The following MAGI2 variants were observed in gnomAD, a reference collection of about 807,000 sequenced individuals.
MAGI2 encodes membrane-associated guanylate kinase, WW and PDZ domain-containing protein 2.
A neutral mutation model predicts 133.3 loss-of-function variants in MAGI2; 35 were observed. The observed-to-expected ratio is 0.26, with a 90% CI of 0.20 to 0.35. The LOEUF (loss-of-function observed/expected upper bound fraction) is 0.35. Among genes scored for constraint, MAGI2 ranks in the 10% least tolerant of loss-of-function variants. The pLI is 1.00. For missense variants in MAGI2, 1,636 were observed against 1,863.4 expected, an observed-to-expected ratio of 0.88 and a Z score of 2.25; for synonymous variants, 729 against 710.6, an observed-to-expected ratio of 1.03 and a Z score of -0.41.
At chr7:78,821,250 T>A (rs1384629703) in intron 2 of MAGI2, among the ~76,000 whole-genome samples, 1 of 152,088 alleles carries the variant, frequency 6.6e-6, no homozygotes, top group Admixed American at 6.5e-5. Flanking sequence ...TTAACAAATA[T>A]TCATACATGC....
chr7:79,212,008 T>G (rs1829539983), intron 1 of MAGI2, among the ~76,000 whole-genome samples: 1 of 152,076 alleles, frequency 6.6e-6, no homozygotes, highest in South Asian at 2.1e-4. Flanking sequence ...CAACAGTTAT[T>G]CCTCTACCCT....
At chr7:78,453,678 G>A (rs1173944927) in intron 6 of MAGI2, among the ~76,000 whole-genome samples, 3 of 152,266 alleles carry the variant, frequency 2.0e-5, no homozygotes, top group South Asian at 2.1e-4. Flanking sequence ...GTTATCATGT[G>A]TCAGGCAGTA....
intron 2 of MAGI2, among the ~76,000 whole-genome samples, chr7:78,967,623 T>TA (rs1803438517): frequency 8.0e-6 from 1 of 125,190 alleles, no homozygotes; most frequent in Non-Finnish European, 1.7e-5. Flanking sequence ...ATTTTTTTTT[T>TA]ATATATATAT....
chr7:78,263,185 T>C (rs938151393), intron 9 of MAGI2, among the ~76,000 whole-genome samples: 8 of 152,314 alleles, frequency 5.3e-5, no homozygotes, highest in South Asian at 2.1e-4. Flanking sequence ...TCCATGGCAT[T>C]ATATGTACCA....
At chr7:79,369,935 A>C (rs1842953685) in intron 1 of MAGI2, among the ~76,000 whole-genome samples, 1 of 152,146 alleles carries the variant, frequency 6.6e-6, no homozygotes, top group South Asian at 2.1e-4. Context: ...TAGTAAATTT[A>C]GTATGTCATA....
At chr7:79,205,677 A>G (rs1828986591) in intron 1 of MAGI2, among the ~76,000 whole-genome samples, 1 of 151,926 alleles carries the variant, frequency 6.6e-6, no homozygotes, top group African/African-American at 2.4e-5. Context: ...TTATTAAAGG[A>G]TAGACAGGAT....
chr7:79,283,134 A>G (rs1485653456), intron 1 of MAGI2, among the ~76,000 whole-genome samples: 2 of 152,120 alleles, frequency 1.3e-5, no homozygotes, highest in Non-Finnish European at 2.9e-5. Flanking sequence ...CTTGAAGCCA[A>G]GAAATCTGTA....
At chr7:79,113,922 C>T (rs952937761) in intron 1 of MAGI2, among the ~76,000 whole-genome samples, 3 of 152,120 alleles carry the variant, frequency 2.0e-5, no homozygotes, top group African/African-American at 7.2e-5. Flanking sequence ...CTTTCAGAGG[C>T]CCTGACCATG....
intron 6 of MAGI2, among the ~76,000 whole-genome samples, chr7:78,388,341 C>A (rs1415469188): frequency 2.0e-5 from 3 of 152,016 alleles, no homozygotes; most frequent in African/African-American, 7.3e-5. Context: ...ATAATAGCAG[C>A]AATAGTAGGA....
chr7:79,440,854 C>G (rs1192196555), intron 1 of MAGI2, among the ~76,000 whole-genome samples: 7 of 152,206 alleles, frequency 4.6e-5, no homozygotes, highest in Admixed American at 4.6e-4. Flanking sequence ...AGTAGCTTTT[C>G]CTCATTCTGC....
chr7:79,052,963 AAATCCTCTTTCCATAAGAGGC>A (rs1562835332), intron 1 of MAGI2, among the ~76,000 whole-genome samples: 1 of 152,090 alleles, frequency 6.6e-6, no homozygotes, highest in East Asian at 1.9e-4. Context: ...ACAAGGCCTC[AAATCCTCTTTCCATAAGAGGC>A]AACATGAACT....
intron 2 of MAGI2, among the ~76,000 whole-genome samples, chr7:78,799,481 A>G (rs1439125122): frequency 2.0e-5 from 3 of 152,158 alleles, no homozygotes; most frequent in African/African-American, 7.2e-5. Flanking sequence ...AGGAAATCCA[A>G]TGGGTTTCGT....
At chr7:78,765,386 T>C (rs564376520) in intron 2 of MAGI2, among the ~76,000 whole-genome samples, 16 of 147,086 alleles carry the variant, frequency 1.1e-4, no homozygotes, top group African/African-American at 4.1e-4. Flanking sequence ...CTCGCTCTTG[T>C]CAACAAGGCT....
At chr7:78,434,319 T>C (rs942814923) in intron 6 of MAGI2, among the ~76,000 whole-genome samples, 1 of 152,264 alleles carries the variant, frequency 6.6e-6, no homozygotes, top group African/African-American at 2.4e-5. Flanking sequence ...AATAGAACCA[T>C]ATACTCAAAT....
chr7:78,887,056 A>G (rs1796330268), intron 2 of MAGI2, among the ~76,000 whole-genome samples: 2 of 152,076 alleles, frequency 1.3e-5, no homozygotes, highest in Admixed American at 1.3e-4. Context: ...CCATAATTGT[A>G]AGTTTCGTGA....
intron 2 of MAGI2, among the ~76,000 whole-genome samples, chr7:78,999,630 T>C (rs1179075380): frequency 1.3e-5 from 2 of 152,206 alleles, no homozygotes. Context: ...TAATAACACA[T>C]TTAATAACTA....
intron 3 of MAGI2, among the ~76,000 whole-genome samples, chr7:78,581,648 T>C (rs1022536622): frequency 2.0e-5 from 3 of 152,218 alleles, no homozygotes; most frequent in African/African-American, 7.2e-5. Context: ...TCTCTCTCAT[T>C]GCTAGGATTA....
chr7:79,381,709 A>C (rs1843794267), intron 1 of MAGI2, among the ~76,000 whole-genome samples: 1 of 151,770 alleles, frequency 6.6e-6, no homozygotes, highest in Non-Finnish European at 1.5e-5. Flanking sequence ...AAATGAAGGT[A>C]GAGGTGAAGA....
At chr7:78,935,162 T>A (rs1042774305) in intron 2 of MAGI2, among the ~76,000 whole-genome samples, 1 of 152,150 alleles carries the variant, frequency 6.6e-6, no homozygotes, top group Non-Finnish European at 1.5e-5. Flanking sequence ...AAATGACAAA[T>A]CACACCACAA....
Sources: gnomAD v4.1 joint callset for allele counts (sites outside exome capture counted in the v4.1 genomes callset) on GRCh38, gnomAD v4.1.1 for gene constraint, MANE v1.5 for transcripts, NCBI Gene and HGNC (gene_info 2026-07-23, HGNC 2026-07-21) for gene names.